The following UBA52 variants were observed in gnomAD, a reference collection of about 807,000 sequenced individuals.
UBA52 encodes ubiquitin A-52 residue ribosomal protein fusion product 1.
A neutral mutation model predicts 15.3 loss-of-function variants in UBA52; 1 was observed. The observed-to-expected ratio is 0.07, with a 90% CI of 0.02 to 0.31. The LOEUF (loss-of-function observed/expected upper bound fraction) is 0.31, where lower values mean the gene tolerates loss of function less well. UBA52 is among the 10% of genes least tolerant of loss of function. The probability of loss-of-function intolerance (pLI) is 1.00; values close to 1 mark genes in which losing one functional copy is unlikely to be tolerated. For synonymous variants in UBA52, 50 were observed against 58.3 expected, an observed-to-expected ratio of 0.86 and a Z score of 0.65; for missense variants, 87 against 168.0, an observed-to-expected ratio of 0.52 and a Z score of 2.66.
chr19:18,568,621 C>G (rs200331878), upstream of UBA52: 1 of 1,609,452 alleles, frequency 6.2e-7, no homozygotes, highest in Admixed American at 1.7e-5. Context: ...GAGGAGATGA[C>G]GGGCGAATAG....
At chr19:18,574,606 T>C (rs1011470694) in intron 3 of UBA52, among the ~76,000 whole-genome samples, 2 of 152,196 alleles carry the variant, frequency 1.3e-5, no homozygotes, top group Admixed American at 6.5e-5. Context: ...GCTTCCATGT[T>C]AGAAACCCAG....
chr19:18,574,139 C>G (rs1012765481), intron 3 of UBA52, among the ~76,000 whole-genome samples: 1 of 151,068 alleles, frequency 6.6e-6, no homozygotes, highest in African/African-American at 2.4e-5. Flanking sequence ...CAAAAATTAG[C>G]TAGGCATGGT....
At chr19:18,567,106 C>T (rs373979878), upstream of UBA52, 1 of 1,612,800 alleles carries the variant, frequency 6.2e-7, no homozygotes, top group Non-Finnish European at 8.5e-7. Context: ...GCAGGTTAAG[C>T]CCTGTGTGCC....
At chr19:18,566,847 CA>C (rs1975265236), upstream of UBA52, among the ~76,000 whole-genome samples, 1 of 152,058 alleles carries the variant, frequency 6.6e-6, no homozygotes, top group African/African-American at 2.4e-5. Context: ...AGCAGCCTCG[CA>C]GGGGGAGCCC....
rs1328126611 is a variant in UBA52 at position 18,576,136 on chromosome 19, T to C, written c.*986T>C. 6.6e-6 allele frequency: 1 copy of C among 152,150 alleles called. No individual in the cohort carries two copies. The highest frequency in any genetic ancestry group is 2.4e-5 in the African/African-American group (1 of 41,418). 9.4% of individuals were successfully genotyped at this position (152,150 alleles called of 1,614,324 possible). ...TGAGCTGTACCCTCTCCTATGATAA[T>C]CACTCTTAAGAAGGGCAACCCTTGG... On this transcript the variant is annotated 3_prime_UTR_variant, in exon 5 of 5. Transcript: ENST00000442744.
At chr19:18,568,633 C>T (rs1975380404), upstream of UBA52, 1 of 1,605,732 alleles carries the variant, frequency 6.2e-7, no homozygotes. Context: ...GGCGAATAGC[C>T]CTGCTGCCCG....
the UBA52 span, among the ~76,000 whole-genome samples, chr19:18,564,584 C>A: frequency 6.6e-6 from 1 of 152,170 alleles, no homozygotes; most frequent in Non-Finnish European, 1.5e-5. Context: ...GATCGCGCCA[C>A]TGCACTCCAG....
intron 3 of UBA52, 98 bp from the exon 4 acceptor site, chr19:18,574,772 T>G: frequency 6.8e-7 from 1 of 1,465,342 alleles, no homozygotes; most frequent in Admixed American, 2.0e-5. Flanking sequence ...CCATCACACT[T>G]GAGAAAGCAG....
Position 18,575,423 on chromosome 19 carries a change from G to A in UBA52, c.*273G>A, listed in dbSNP as rs982136072. 1 of 464,096 alleles carries A rather than the reference G, an allele frequency of 2.2e-6. No individual in the cohort carries two copies. The highest frequency in any genetic ancestry group is 4.0e-6 in the Non-Finnish European group (1 of 252,254). 28.7% of individuals were successfully genotyped at this position (464,096 alleles called of 1,614,324 possible). On this transcript the variant is annotated 3_prime_UTR_variant, in exon 5 of 5. Transcript: ENST00000442744. ...TGGATTTGTCATCTGTAAAACTGGA[G>A]TAAAAACCTCAGTCGTGTAATTGGT...
chr19:18,565,572 G>A, the UBA52 span, among the ~76,000 whole-genome samples: 1 of 152,152 alleles, frequency 6.6e-6, no homozygotes, highest in Non-Finnish European at 1.5e-5. Flanking sequence ...GGAGTGCAGT[G>A]GCGTGATCTT....
At chr19:18,574,340 C>T (rs1186012102) in intron 3 of UBA52, among the ~76,000 whole-genome samples, 1 of 152,042 alleles carries the variant, frequency 6.6e-6, no homozygotes, top group African/African-American at 2.4e-5. Flanking sequence ...GTCACCCAGG[C>T]TGGAGTGCAG....
upstream of UBA52, chr19:18,566,987 GT>G (rs1370226904): frequency 1.4e-6 from 1 of 701,870 alleles, no homozygotes; most frequent in African/African-American, 1.8e-5. Flanking sequence ...CCTAGAGAGA[GT>G]GAAGATGTGA....
At chr19:18,567,212 C>T (rs368563592), upstream of UBA52, 16 of 1,609,868 alleles carry the variant, frequency 9.9e-6, no homozygotes, top group African/African-American at 4.0e-5. Flanking sequence ...CTCCCGAGCA[C>T]GTCAGCACTC....
intron 1 of UBA52, chr19:18,573,052 C>A: frequency 7.6e-7 from 1 of 1,317,840 alleles, no homozygotes; most frequent in East Asian, 3.0e-5. Context: ...AGCACCCGTG[C>A]GGTCAGGAGG....
intron 3 of UBA52, among the ~76,000 whole-genome samples, chr19:18,574,398 C>A (rs1975675590): frequency 6.6e-6 from 1 of 151,744 alleles, no homozygotes; most frequent in Admixed American, 6.6e-5. Flanking sequence ...AAGCGATTCC[C>A]CTGCCTCAGC....
upstream of UBA52, chr19:18,567,070 A>G: frequency 6.5e-7 from 1 of 1,533,674 alleles, no homozygotes; most frequent in Non-Finnish European, 9.0e-7. Flanking sequence ...GCTTGTGGCC[A>G]GCACCAGGCC....
At chr19:18,572,725 A>C in intron 1 of UBA52, 1 of 950,394 alleles carries the variant, frequency 1.1e-6, no homozygotes, top group Non-Finnish European at 1.3e-6. Flanking sequence ...GGGTCAAGGC[A>C]AGAAGTGGGG....
chr19:18,571,526 TA>T (rs1975478672), upstream of UBA52, among the ~76,000 whole-genome samples: 1 of 152,206 alleles, frequency 6.6e-6, no homozygotes, highest in African/African-American at 2.4e-5. Context: ...GTCCTCTGCT[TA>T]ATACCTTTGC....
the UBA52 span, chr19:18,564,937 A>G: frequency 1.2e-6 from 2 of 1,613,466 alleles, no homozygotes; most frequent in Non-Finnish European, 1.7e-6. Flanking sequence ...GCCCGCCTGC[A>G]GCAGATGAGC....
Sources: gnomAD v4.1 joint callset for allele counts (sites outside exome capture counted in the v4.1 genomes callset) on GRCh38, gnomAD v4.1.1 for gene constraint, MANE v1.5 for transcripts, NCBI Gene and HGNC (gene_info 2026-07-23, HGNC 2026-07-21) for gene names.